Variants in ZNF541 observed in about 807,000 individuals in gnomAD.
The protein encoded by ZNF541 is zinc finger protein 541.
A neutral mutation model predicts 123.5 loss-of-function variants in ZNF541; 23 were observed. The observed-to-expected ratio is 0.19, with a 90% CI of 0.13 to 0.26. The LOEUF is 0.26. Ranked by LOEUF, ZNF541 falls within the 10% of genes least tolerant of loss-of-function variation. The pLI is 1.00. For synonymous variants in ZNF541, 751 were observed against 754.5 expected, an observed-to-expected ratio of 1.00 and a Z score of 0.08; for missense variants, 1,612 against 1,789.9, an observed-to-expected ratio of 0.90 and a Z score of 1.79.
chr19:47,561,493 A>G (rs991393289), intron 2 of ZNF541, among the ~76,000 whole-genome samples: 4 of 152,032 alleles, frequency 2.6e-5, no homozygotes, highest in Non-Finnish European at 4.4e-5. Context: ...TGAATAAAAA[A>G]AGAGCTTCCA....
At chr19:47,532,308 A>G in intron 10 of ZNF541, 38 bp from the exon 11 acceptor site, 7 of 1,547,208 alleles carry the variant, frequency 4.5e-6, no homozygotes, top group Non-Finnish European at 6.1e-6. Context: ...GAGACGTACA[A>G]ACATGACTGA....
At chr19:47,554,199 C>T in intron 3 of ZNF541, among the ~76,000 whole-genome samples, 1 of 152,104 alleles carries the variant, frequency 6.6e-6, no homozygotes, top group Non-Finnish European at 1.5e-5. Flanking sequence ...TTTGGAAGGC[C>T]AAGGTAGGCA....
Position 47,545,728 on chromosome 19 carries a change from G to T in ZNF541, c.801C>A (p.Ser267=). 1 of 1,545,692 alleles carries T rather than the reference G, an allele frequency of 6.5e-7. No homozygotes were observed. ...GCAGGAGGTCCCGGTGGGGCAGGAG[G>T]GAGCCGGGGGACCTGGCCTCTGGGG... The part of the protein sequence containing the change: ...LVPPEARSPG[S]LLPHRDLLRR... The change falls in exon 5 of 17, where the codon TCC becomes TCA. Residue 267 remains serine, a synonymous_variant. Transcript: ENST00000391901. This position sits in a 1 kb window ranked among gnomAD's most constrained non-coding sequence, Gnocchi z 7.5.
At chr19:47,546,057 C>CT in intron 4 of ZNF541, 77 bp from the exon 5 acceptor site, 1 of 1,315,642 alleles carries the variant, frequency 7.6e-7, no homozygotes. Flanking sequence ...TGGTGGCCCC[C>CT]AAAAGTCTGT....
chr19:47,545,726 A>G lies in ZNF541; in HGVS notation c.803T>C (p.Leu268Pro). The G allele has an allele frequency of 6.5e-7, 1 of 1,545,812 alleles. No homozygotes were observed. The change falls in exon 5 of 17, where the codon CTC becomes CCC. Residue 268 changes from leucine (L) to proline (P), a missense_variant. Physicochemically the swap from Leu to Pro is moderately conservative, Grantham distance 98. Transcript: ENST00000391901. This position sits in a 1 kb window ranked among gnomAD's most constrained non-coding sequence, Gnocchi z 7.5. The part of the protein sequence containing the change: ...VPPEARSPGS[L>P]LPHRDLLRRI... ...GCGCAGGAGGTCCCGGTGGGGCAGGAGGGAGCCGGGGGACCTGGCCTCTGG... is the reference window on the plus strand; with the variant it reads ...GCGCAGGAGGTCCCGGTGGGGCAGGGGGGAGCCGGGGGACCTGGCCTCTGG...
Position 47,544,984 on chromosome 19 carries a change from G to T in ZNF541, c.1545C>A (p.Asn515Lys). 1 of 1,529,796 alleles carries T rather than the reference G, an allele frequency of 6.5e-7. No homozygotes were observed. The highest frequency in any genetic ancestry group is 8.7e-7 in the Non-Finnish European group (1 of 1,144,126). The allele number at this position is 1,529,796 out of a possible 1,614,324, so 94.8% of individuals were successfully genotyped here. Reference sequence around the variant, plus strand: ...CCTCCTGGAGGCCGGGCTCCCCGGGGTTCTGGCACAGGAAGGAGTCGCAGT... The same window carrying T: ...CCTCCTGGAGGCCGGGCTCCCCGGGTTTCTGGCACAGGAAGGAGTCGCAGT... ...KVDCDSFLCQNPGEPGLQEAQ... is the reference protein window; with the variant it reads ...KVDCDSFLCQKPGEPGLQEAQ... The change falls in exon 5 of 17, where the codon AAC (asparagine) becomes AAA (lysine). Residue 515 changes from asparagine to lysine, a missense_variant. Physicochemically the swap from Asn to Lys is moderately conservative, Grantham distance 94. Transcript: ENST00000391901.
chr19:47,521,391 A>C lies in ZNF541; in HGVS notation c.3888-14T>G, dbSNP rs774162950. Reference sequence around the variant, plus strand: ...TTGTCAAACACCCTGAGGAGTCACCAGAGGACATGGGGTCAGAGCAGGGAG... The same window carrying C: ...TTGTCAAACACCCTGAGGAGTCACCCGAGGACATGGGGTCAGAGCAGGGAG... On this transcript the variant is annotated splice_polypyrimidine_tract_variant and intron_variant, in intron 16 of 16. Coordinates refer to ENST00000391901, the MANE Select transcript of ZNF541 (RefSeq NM_001277075.3). The surrounding 1 kb of genome is among the most constrained non-coding windows in gnomAD (Gnocchi z 4.2). 1.3e-4 allele frequency: 197 copies of C among 1,551,606 alleles called. No individual in the cohort carries two copies. Among genetic ancestry groups the C allele is most frequent in the South Asian group, 1.2e-3 (105 of 84,070 alleles).
Position 47,555,668 on chromosome 19 carries a change from C to G in ZNF541, c.189G>C (p.Met63Ile), listed in dbSNP as rs1237573198. The part of the protein sequence containing the change: ...DPDPSLPTPD[M>I]SSEVLEDNLD... ...AGTTGTCCTCCAGCACCTCGCTGGA[C>G]ATGTCAGGCGTTGGGAGGCTGGGGT... Residue 63 changes from methionine (M) to isoleucine (I), a missense_variant, in exon 3 of 17, where the codon ATG becomes ATC. Around this residue, in one of 5 missense-constraint regions of ZNF541, gnomAD observed 212 missense variants for 289.6 expected, o/e 0.73. Coordinates refer to ENST00000391901, the MANE Select transcript of ZNF541 (RefSeq NM_001277075.3). The G allele has an allele frequency of 1.3e-6, 2 of 1,551,594 alleles. No homozygotes were observed. The highest frequency in any genetic ancestry group is 1.7e-6 in the Non-Finnish European group (2 of 1,147,008).
intron 2 of ZNF541, among the ~76,000 whole-genome samples, chr19:47,562,978 A>C (rs1312667800): frequency 1.3e-5 from 2 of 152,202 alleles, no homozygotes; most frequent in Non-Finnish European, 2.9e-5. Context: ...CTGAATAACA[A>C]ATCTAGTGCA....
At position 47,532,906 on chromosome 19, in the gene ZNF541, T is replaced by TA; in HGVS notation, c.3158+2dup. On this transcript the variant is annotated splice_region_variant and intron_variant, in intron 10 of 16. Transcript: ENST00000391901. ...CAGCTTCACTGGAAAGGACCCAACT[T>TA]ACGGCTCAATGCTGATTTTGGTGTC... 1 of 1,550,004 alleles carries TA rather than the reference T, an allele frequency of 6.5e-7. No homozygotes were observed. The highest frequency in any genetic ancestry group is 8.7e-7 in the Non-Finnish European group (1 of 1,146,160).
chr19:47,549,921 C>T (rs1970523873), intron 3 of ZNF541, among the ~76,000 whole-genome samples: 1 of 152,166 alleles, frequency 6.6e-6, no homozygotes, highest in Non-Finnish European at 1.5e-5. Flanking sequence ...AGGGAGTAAA[C>T]TGTCATACTG....
Position 47,561,020 on chromosome 19 carries a change from A to C in ZNF541, c.-98-5066T>G, listed in dbSNP as rs535217269. ...CAAGACTACATACTGTGAGACTCCA[A>C]CTATATCACATTCTGGAAAAGGCAA... On this transcript the variant is annotated intron_variant, in intron 2 of 16. Coordinates refer to ENST00000391901, the MANE Select transcript of ZNF541 (RefSeq NM_001277075.3). 3.0e-4 allele frequency among the ~76,000 whole-genome samples: 46 copies of C among 152,348 alleles called. 1 individual carries two copies. In the South Asian group the frequency reaches 9.5e-3, roughly 32 times the overall value.
chr19:47,554,182 C>T (rs768804778), intron 3 of ZNF541, among the ~76,000 whole-genome samples: 1 of 152,148 alleles, frequency 6.6e-6, no homozygotes, highest in Non-Finnish European at 1.5e-5. Flanking sequence ...CCTGTAATCC[C>T]AAGCACTTTG....
chr19:47,525,609 A>G (rs954304854), intron 14 of ZNF541, among the ~76,000 whole-genome samples: 8 of 152,304 alleles, frequency 5.3e-5, no homozygotes, highest in African/African-American at 1.9e-4. Flanking sequence ...TGTAAAACCT[A>G]AAACTATAAA....
intron 14 of ZNF541, 127 bp downstream of exon 14, chr19:47,528,823 T>C (rs1197087943): frequency 3.0e-6 from 2 of 674,590 alleles, no homozygotes; most frequent in Non-Finnish European, 5.2e-6. Context: ...TTGTAAACTG[T>C]CTACAGTAAG....
At chr19:47,531,606 C>A in intron 12 of ZNF541, 36 bp downstream of exon 12, 1 of 1,488,726 alleles carries the variant, frequency 6.7e-7, no homozygotes, top group Non-Finnish European at 9.1e-7. Flanking sequence ...CCCTGGGCCC[C>A]AGGAAAGCAG....
intron 2 of ZNF541, among the ~76,000 whole-genome samples, chr19:47,560,598 T>C (rs905157587): frequency 2.6e-4 from 37 of 141,676 alleles, no homozygotes; most frequent in African/African-American, 6.6e-4. Flanking sequence ...AAAAAAAAAG[T>C]CCACACTGGC....
In ZNF541 at chr19:47,521,198, C is replaced by A; in HGVS notation, c.*26G>T. ...AGGGAGGAGGGGCAGCACTGGAGGC[C>A]CCATTCGGACTTGCTGCCACGGGAG... On this transcript the variant is annotated 3_prime_UTR_variant, in exon 17 of 17. Transcript: ENST00000391901. This position sits in a 1 kb window ranked among gnomAD's most constrained non-coding sequence, Gnocchi z 4.2. 1 of 1,547,590 alleles carries A rather than the reference C, an allele frequency of 6.5e-7. No individual in the cohort carries two copies. Among genetic ancestry groups the A allele is most frequent in the Non-Finnish European group, 8.7e-7 (1 of 1,144,642 alleles).
chr19:47,533,054 G>T (rs1022716436), intron 9 of ZNF541, 82 bp from the exon 10 acceptor site: 2 of 1,348,152 alleles, frequency 1.5e-6, no homozygotes, highest in South Asian at 1.4e-5. Context: ...TGTGGACGCA[G>T]CTGAAAGCAG....
Sources: gnomAD v4.1 joint callset for allele counts (sites outside exome capture counted in the v4.1 genomes callset) on GRCh38, gnomAD v4.1.1 for gene constraint, gnomAD v4.1.1 regional missense constraint, Gnocchi (gnomAD v3.1) non-coding constraint, MANE v1.5 for transcripts, NCBI Gene and HGNC (gene_info 2026-07-23, HGNC 2026-07-21) for gene names.